Variants in ADAMTSL1 observed in about 807,000 individuals in gnomAD.
ADAMTSL1 encodes ADAMTS like 1.
Under a neutral mutation model 201.8 loss-of-function variants are expected in ADAMTSL1, and 126 were observed. The observed-to-expected ratio is 0.62, with a 90% CI of 0.54 to 0.72. The LOEUF is 0.72. ADAMTSL1 is among the 30% of genes least tolerant of loss of function. The pLI is 0.00. For synonymous variants in ADAMTSL1, 1,121 were observed against 903.4 expected (o/e 1.24, Z -4.32); for missense variants, 2,679 against 2,277.8 (o/e 1.18, Z -3.59).
intron 10 of ADAMTSL1, among the ~76,000 whole-genome samples, chr9:18,677,294 C>A (rs117490287): frequency 1.3e-5 from 2 of 151,876 alleles, no homozygotes; most frequent in Admixed American, 1.3e-4. Flanking sequence ...CAATAAATAG[C>A]TTTAGAATGT....
intron 15 of ADAMTSL1, among the ~76,000 whole-genome samples, chr9:18,735,406 C>T (rs532903335): frequency 1.3e-5 from 2 of 152,278 alleles, no homozygotes; most frequent in East Asian, 3.9e-4. Context: ...CCCTTCATCC[C>T]TTGCCACATG....
At chr9:17,960,807 C>T (rs559078538) in intron 1 of ADAMTSL1, among the ~76,000 whole-genome samples, 1 of 152,298 alleles carries the variant, frequency 6.6e-6, no homozygotes, top group East Asian at 1.9e-4. Context: ...CAGAGCCTTC[C>T]TTTCCATTCC....
At chr9:18,656,302 C>T (rs1828654185) in intron 7 of ADAMTSL1, among the ~76,000 whole-genome samples, 1 of 151,894 alleles carries the variant, frequency 6.6e-6, no homozygotes, top group Non-Finnish European at 1.5e-5. Context: ...AAGGCCAAAT[C>T]CATCCATTTA....
chr9:18,756,078 TATATATA>T (rs1292675256), intron 16 of ADAMTSL1, among the ~76,000 whole-genome samples: 1 of 3,150 alleles, frequency 3.2e-4, no homozygotes, highest in Non-Finnish European at 6.8e-4. Context: ...CTACTGAAAA[TATATATA>T]TATATATATA....
intron 21 of ADAMTSL1, among the ~76,000 whole-genome samples, chr9:18,817,953 T>G (rs12343558): frequency 0.18 from 27,508 of 152,150 alleles, 3,118 homozygotes; most frequent in East Asian, 0.27. Flanking sequence ...AGGTGGGCCT[T>G]GCAAACTCAG....
At chr9:18,825,096 C>G (rs1421662463) in intron 21 of ADAMTSL1, among the ~76,000 whole-genome samples, 1 of 151,926 alleles carries the variant, frequency 6.6e-6, no homozygotes, top group Admixed American at 6.6e-5. Flanking sequence ...GGGGAGGGTG[C>G]TTTCTGCTCC....
At chr9:18,728,559 G>C (rs921900993) in intron 15 of ADAMTSL1, among the ~76,000 whole-genome samples, 2 of 152,164 alleles carry the variant, frequency 1.3e-5, no homozygotes, top group Non-Finnish European at 2.9e-5. Flanking sequence ...TCCTAAAGGA[G>C]TTACCAGTTA....
At chr9:18,166,726 C>G (rs1039397082) in intron 2 of ADAMTSL1, among the ~76,000 whole-genome samples, 4 of 151,926 alleles carry the variant, frequency 2.6e-5, no homozygotes, top group Non-Finnish European at 4.4e-5. Context: ...CTTTTCTTCT[C>G]TCACACCCTT....
At chr9:18,380,837 G>A (rs369230158) in intron 2 of ADAMTSL1, among the ~76,000 whole-genome samples, 1 of 152,182 alleles carries the variant, frequency 6.6e-6, no homozygotes, top group African/African-American at 2.4e-5. Flanking sequence ...TCAGGTGAAC[G>A]CATGCCCCAA....
At chr9:18,012,747 C>CA (rs1226288115) in intron 1 of ADAMTSL1, among the ~76,000 whole-genome samples, 1 of 152,004 alleles carries the variant, frequency 6.6e-6, no homozygotes, top group Non-Finnish European at 1.5e-5. Flanking sequence ...TCCTTGGAAG[C>CA]ATCTTTCAGG....
At chr9:18,357,053 A>G (rs1312946071) in intron 2 of ADAMTSL1, among the ~76,000 whole-genome samples, 5 of 152,152 alleles carry the variant, frequency 3.3e-5, no homozygotes, top group African/African-American at 1.2e-4. Context: ...TGTCACTGCC[A>G]CCCATCTCTA....
intron 2 of ADAMTSL1, among the ~76,000 whole-genome samples, chr9:18,530,044 G>A (rs80013730): frequency 0.02 from 3,036 of 152,114 alleles, 40 homozygotes; most frequent in Non-Finnish European, 0.031. Context: ...TTAAAATATC[G>A]GGGAAAAGGC....
At chr9:18,672,832 T>C (rs1829903689) in intron 9 of ADAMTSL1, among the ~76,000 whole-genome samples, 2 of 152,296 alleles carry the variant, frequency 1.3e-5, no homozygotes, top group South Asian at 4.1e-4. Flanking sequence ...TGAGGTGGGA[T>C]GCCTTTTCTA....
Position 18,019,411 on chromosome 9 carries a change from T to C in ADAMTSL1, c.87+112489T>C, listed in dbSNP as rs564025072. Among the ~76,000 whole-genome samples the C allele has an allele frequency of 1.8e-4, 28 of 152,186 alleles. No homozygotes were observed. In the South Asian group the frequency reaches 3.1e-3, roughly 17 times the overall value. The stretch of plus-strand genomic sequence containing the variant: ...AGAGTACTGTCAGAAAAACATAGTC[T>C]AAAGATGAAGCTAAGAGTGTGACCG... On this transcript the variant is annotated intron_variant, in intron 1 of 29. Transcript: ENST00000680146.
At chr9:18,308,787 A>C (rs1834005892) in intron 2 of ADAMTSL1, among the ~76,000 whole-genome samples, 2 of 152,198 alleles carry the variant, frequency 1.3e-5, no homozygotes, top group African/African-American at 4.8e-5. Flanking sequence ...TTTCTTCTGA[A>C]ACTATTCCAA....
chr9:18,703,365 G>C (rs1346150525), intron 13 of ADAMTSL1, among the ~76,000 whole-genome samples: 11 of 151,966 alleles, frequency 7.2e-5, no homozygotes, highest in Non-Finnish European at 4.4e-5. Flanking sequence ...ATGAAAAACA[G>C]TTATTATTCA....
At chr9:18,859,946 A>G (rs1248518218) in intron 23 of ADAMTSL1, among the ~76,000 whole-genome samples, 1 of 152,178 alleles carries the variant, frequency 6.6e-6, no homozygotes, top group Non-Finnish European at 1.5e-5. Flanking sequence ...CACCCATTTA[A>G]AGAATGAGGT....
At chr9:18,864,192 C>T (rs908425694) in intron 23 of ADAMTSL1, among the ~76,000 whole-genome samples, 4 of 152,138 alleles carry the variant, frequency 2.6e-5, no homozygotes, top group Middle Eastern at 3.2e-3. Context: ...CATTCTTCCC[C>T]GTGAACTGGG....
In ADAMTSL1 at chr9:17,910,589, C is replaced by A. The variant is rs1223017860; in HGVS notation, c.87+3667C>A. ...ATTGTTTAATTCCAAATGGGTCTTT[C>A]TCTTACCACCATTCAGAGCTGCTGT... is the stretch of plus-strand genomic sequence containing the variant. On this transcript the variant is annotated intron_variant, in intron 1 of 29. Transcript: ENST00000680146. Among the ~76,000 whole-genome samples, 2 of 68,706 alleles carry A rather than the reference C, an allele frequency of 2.9e-5. 1 individual carries two copies. The highest frequency in any genetic ancestry group is 8.9e-5 in the Non-Finnish European group (2 of 22,524). 45.1% of individuals were successfully genotyped at this position (68,706 alleles called of 152,430 possible).
Sources: gnomAD v4.1 joint callset for allele counts (sites outside exome capture counted in the v4.1 genomes callset) on GRCh38, gnomAD v4.1.1 for gene constraint, MANE v1.5 for transcripts, NCBI Gene and HGNC (gene_info 2026-07-23, HGNC 2026-07-21) for gene names.